Variants in TRMO observed in about 807,000 individuals in gnomAD.
TRMO encodes tRNA methyltransferase O.
In TRMO, 30 loss-of-function variants were observed where a neutral mutation model predicts 37.2. The observed-to-expected ratio is 0.81, with a 90% CI of 0.60 to 1.09. The LOEUF (loss-of-function observed/expected upper bound fraction) is 1.09, where lower values mean the gene tolerates loss of function less well. TRMO is among the 50% of genes least tolerant of loss of function. TRMO has a pLI of 0.00. For missense variants in TRMO, 552 were observed against 549.5 expected (o/e 1.00, Z -0.05); for synonymous variants, 239 against 199.4 (o/e 1.20, Z -1.67).
intron 2 of TRMO, chr9:97,913,955 T>C (rs1192719382): frequency 1.3e-5 from 2 of 158,170 alleles, no homozygotes; most frequent in Non-Finnish European, 2.8e-5. Context: ...GATGAGGAAA[T>C]TGAAGTTCAG....
intron 2 of TRMO, 127 bp from the exon 3 acceptor site, chr9:97,913,685 T>G: frequency 1.5e-6 from 1 of 648,252 alleles, no homozygotes; most frequent in Admixed American, 2.8e-5. Flanking sequence ...TTAAATAGTA[T>G]TAACTTGTCA....
rs1477997742 is a variant in TRMO at position 97,922,351 on chromosome 9, G to A, written c.76+67C>T. On this transcript the variant is annotated intron_variant, in intron 1 of 4. Coordinates refer to ENST00000375119, the MANE Select transcript of TRMO (RefSeq NM_016481.5). The stretch of plus-strand genomic sequence containing the variant: ...AGATCGTGCGTTTTACACCCCTCTC[G>A]GCAACGAAGTCCGCTGCCTGGGCCT... 4.5e-6 allele frequency: 5 copies of A among 1,121,834 alleles called. No homozygotes were observed. The African/African-American group carries it at 4.6e-5, about 10-fold the overall frequency. The allele number at this position is 1,121,834 out of a possible 1,614,324, so 69.5% of individuals were successfully genotyped here.
the TRMO span, among the ~76,000 whole-genome samples, chr9:97,897,366 A>G: frequency 6.6e-6 from 1 of 152,210 alleles, no homozygotes; most frequent in Non-Finnish European, 1.5e-5. Flanking sequence ...CCAGATTGTG[A>G]GTATGTTCAG....
In TRMO at chr9:97,904,984, G is replaced by T. The variant is rs1197439738; in HGVS notation, c.1075C>A (p.Gln359Lys). The change falls in exon 5 of 5, where the codon CAG becomes AAG. Residue 359 changes from glutamine to lysine, a missense_variant. Gln to Lys is a moderately conservative substitution (Grantham distance 53). Transcript: ENST00000375119. Reference sequence around the variant, plus strand: ...GACTGAAAATATTTAAATGACGCCTGACCAACATCTGCAATGAAAAAAACA... The same window carrying T: ...GACTGAAAATATTTAAATGACGCCTTACCAACATCTGCAATGAAAAAAACA... ...LGQLSSQDVG[Q>K]ASFKYFQSAE... The T allele has an allele frequency of 1.9e-6, 3 of 1,612,314 alleles. No individual in the cohort carries two copies. In the East Asian group the frequency reaches 6.7e-5, roughly 36 times the overall value.
At chr9:97,922,038 G>A (rs1489998597) in intron 1 of TRMO, among the ~76,000 whole-genome samples, 1 of 151,834 alleles carries the variant, frequency 6.6e-6, no homozygotes, top group Non-Finnish European at 1.5e-5. Context: ...CCCCTTCTCT[G>A]TCCTCATTCC....
At chr9:97,905,543 A>G (rs1825819708) in intron 4 of TRMO, among the ~76,000 whole-genome samples, 1 of 151,962 alleles carries the variant, frequency 6.6e-6, no homozygotes, top group South Asian at 2.1e-4. Context: ...TGTGTCCCTA[A>G]GAAACAGCAA....
chr9:97,910,768 G>T, intron 3 of TRMO, 152 bp from the exon 4 acceptor site: 1 of 852,928 alleles, frequency 1.2e-6, no homozygotes. Flanking sequence ...CACCCTTCTT[G>T]CTACCTGGTA....
intron 4 of TRMO, among the ~76,000 whole-genome samples, chr9:97,906,066 G>C (rs770114040): frequency 1.3e-5 from 2 of 151,824 alleles, no homozygotes; most frequent in Non-Finnish European, 2.9e-5. Context: ...CAGGAGGCAG[G>C]AGGATCACTT....
downstream of TRMO, chr9:97,900,720 G>A: frequency 1.0e-6 from 1 of 963,280 alleles, no homozygotes; most frequent in South Asian, 4.8e-5. Flanking sequence ...CATGATAAAA[G>A]TTCAGTAAGT....
chr9:97,912,407 G>A (rs1266507499), intron 3 of TRMO: 1 of 155,006 alleles, frequency 6.5e-6, no homozygotes, highest in African/African-American at 2.4e-5. Flanking sequence ...ATATGTCCCT[G>A]AATAATCATA....
At chr9:97,920,862 T>C (rs1826594247) in intron 1 of TRMO, among the ~76,000 whole-genome samples, 1 of 152,226 alleles carries the variant, frequency 6.6e-6, no homozygotes. Flanking sequence ...CTCTTTAACT[T>C]TAAACTTTTC....
At position 97,906,340 on chromosome 9, in the gene TRMO, A is replaced by T. The variant is rs1334630421; in HGVS notation, c.1067-1348T>A. On this transcript the variant is annotated intron_variant, in intron 4 of 4. Transcript: ENST00000375119. The stretch of plus-strand genomic sequence containing the variant: ...TATCTGGCATGGGTGCCTTCCCCCA[A>T]TTCCCTGCCTACTCATCCTGCCAGG... 2.6e-5 allele frequency among the ~76,000 whole-genome samples: 4 copies of T among 152,074 alleles called. No homozygotes were observed. The South Asian group carries it at 8.3e-4, about 32-fold the overall frequency.
At chr9:97,903,483 T>C (rs954762486), downstream of TRMO, among the ~76,000 whole-genome samples, 2 of 152,182 alleles carry the variant, frequency 1.3e-5, no homozygotes, top group Non-Finnish European at 2.9e-5. Flanking sequence ...AGATTTACAA[T>C]CATGATTAGG....
rs766164192 is a variant in TRMO, at chr9:97,922,479, C to T, written c.15G>A (p.Glu5=). 5.3e-5 allele frequency: 84 copies of T among 1,578,912 alleles called. No individual in the cohort carries two copies. Among genetic ancestry groups the T allele is most frequent in the Non-Finnish European group, 6.8e-5 (79 of 1,164,054 alleles). Residue 5 remains glutamate (E), a synonymous_variant, in exon 1 of 5, where the codon GAG becomes GAA. Coordinates refer to ENST00000375119, the MANE Select transcript of TRMO (RefSeq NM_016481.5). ...TCGCTGTAGGCCGAGGCCCCGACTC[C>T]TCCAAGCCGCGCATGGCTACTGGTT... MRGL[E]ESGPRPTATP...
chr9:97,916,277 A>C lies in TRMO; in HGVS notation c.138T>G (p.Thr46=), dbSNP rs1042395312. ...AGCTACAAATGGATGGCTGTCTTGG[A>C]GTACCATTCTTGGCCGAGAAACAAG... The part of the protein sequence containing the change: ...LESCFSAKNG[T]PRQPSICSYS... Residue 46 remains threonine, a synonymous_variant, in exon 2 of 5, where the codon ACT becomes ACG. Transcript: ENST00000375119. 2.5e-6 allele frequency: 4 copies of C among 1,613,646 alleles called. No homozygotes were observed. Among genetic ancestry groups the C allele is most frequent in the Non-Finnish European group, 3.4e-6 (4 of 1,179,780 alleles).
intron 4 of TRMO, among the ~76,000 whole-genome samples, chr9:97,909,315 T>C (rs911934294): frequency 7.9e-5 from 12 of 152,170 alleles, no homozygotes; most frequent in Admixed American, 4.6e-4. Context: ...TCCTTCATCC[T>C]AGGCTACTGC....
rs1825776875 is a variant in TRMO, at chr9:97,904,611, A to C, written c.*122T>G. The C allele has an allele frequency of 2.0e-6, 3 of 1,520,184 alleles. No homozygotes were observed. The highest frequency in any genetic ancestry group is 2.6e-6 in the Non-Finnish European group (3 of 1,139,586). The allele number at this position is 1,520,184 out of a possible 1,614,324, so 94.2% of individuals were successfully genotyped here. On this transcript the variant is annotated 3_prime_UTR_variant, in exon 5 of 5. Coordinates refer to ENST00000375119, the MANE Select transcript of TRMO (RefSeq NM_016481.5). ...TCAAATAAACATTTTGAACAGCCCA[A>C]ATCAATCAAAGCCATGAGATCACAA...
In TRMO at chr9:97,922,262, G is replaced by C. The variant is rs1168040985; in HGVS notation, c.76+156C>G. On this transcript the variant is annotated intron_variant, in intron 1 of 4. Coordinates refer to ENST00000375119, the MANE Select transcript of TRMO (RefSeq NM_016481.5). ...CATCCCGCTCGCCAAAGCACATCAC[G>C]TGGTCTCCGCAGCACGTGACCCGTG... 4.6e-5 allele frequency among the ~76,000 whole-genome samples: 7 copies of C among 152,210 alleles called. No individual in the cohort carries two copies. In the South Asian group the frequency reaches 6.2e-4, roughly 13 times the overall value.
rs1162716662 is a variant in TRMO at position 97,911,654 on chromosome 9, CACA to C, written c.410-1041_410-1039del. ...CTGATGATTCTGTGGTAATTTGTTA[CACA>C]ACAATAGAAATCTAATACATCCATC... On this transcript the variant is annotated intron_variant, in intron 3 of 4. Coordinates refer to ENST00000375119, the MANE Select transcript of TRMO (RefSeq NM_016481.5). The C allele has an allele frequency of 5.3e-5, 8 of 152,252 alleles. No homozygotes were observed. In the East Asian group the frequency reaches 9.7e-4, roughly 18 times the overall value. The allele number at this position is 152,252 out of a possible 1,614,324, so 9.4% of individuals were successfully genotyped here.
Sources: allele counts gnomAD v4.1 joint callset (sites outside exome capture counted in the v4.1 genomes callset), GRCh38; gene constraint gnomAD v4.1.1; transcripts MANE v1.5; gene names NCBI Gene and HGNC (gene_info 2026-07-23, HGNC 2026-07-21).